Variants in NRF1 observed in about 807,000 individuals in gnomAD.
NRF1 encodes the protein nuclear respiratory factor 1.
Under a neutral mutation model 58.5 loss-of-function variants are expected in NRF1, and 5 were observed. The observed-to-expected ratio is 0.09, with a 90% CI of 0.04 to 0.18. The LOEUF is 0.18. Ranked by LOEUF, NRF1 falls within the 10% of genes least tolerant of loss-of-function variation. The pLI is 1.00. For missense variants in NRF1, 288 were observed against 657.7 expected (o/e 0.44, Z 6.15); for synonymous variants, 224 against 246.7 (o/e 0.91, Z 0.86).
intron 2 of NRF1, among the ~76,000 whole-genome samples, chr7:129,666,060 TGCA>T (rs1389336345): frequency 6.6e-6 from 1 of 152,250 alleles, no homozygotes; most frequent in African/African-American, 2.4e-5. Context: ...TGGTAAATTG[TGCA>T]GCAAGTAGAA....
chr7:129,677,542 A>G (rs1363387119), intron 3 of NRF1, 90 bp from the exon 4 acceptor site: 54 of 1,191,440 alleles, frequency 4.5e-5, no homozygotes, highest in Non-Finnish European at 4.7e-5. Flanking sequence ...ATATCTGATC[A>G]GAATAAACTG....
chr7:129,663,560 C>A (rs1584619617), intron 2 of NRF1, among the ~76,000 whole-genome samples: 2 of 150,464 alleles, frequency 1.3e-5, no homozygotes, highest in South Asian at 4.2e-4. Flanking sequence ...GCTCACATCC[C>A]AGACGATGGG....
chr7:129,662,236 C>CTT (rs891930853), intron 2 of NRF1, among the ~76,000 whole-genome samples: 77 of 152,048 alleles, frequency 5.1e-4, no homozygotes, highest in African/African-American at 1.6e-3. Flanking sequence ...TTTAAGGTGC[C>CTT]TTTTTTATGT....
At chr7:129,627,229 G>C (rs1165487147) in intron 1 of NRF1, among the ~76,000 whole-genome samples, 1 of 151,936 alleles carries the variant, frequency 6.6e-6, no homozygotes, top group Non-Finnish European at 1.5e-5. Context: ...TTAATTTTTT[G>C]AGACAGGATC....
chr7:129,666,572 C>T (rs1801928169), intron 2 of NRF1, among the ~76,000 whole-genome samples: 1 of 152,120 alleles, frequency 6.6e-6, no homozygotes, highest in Admixed American at 6.5e-5. Context: ...CACTCTGTTG[C>T]CCTGGCTGGA....
chr7:129,624,079 A>G (rs1262791691), intron 1 of NRF1, among the ~76,000 whole-genome samples: 3 of 152,158 alleles, frequency 2.0e-5, no homozygotes, highest in African/African-American at 7.2e-5. Flanking sequence ...TCCATCCGAG[A>G]ATACAGAACC....
chr7:129,691,418 G>A (rs1368733960), intron 5 of NRF1, among the ~76,000 whole-genome samples: 2 of 146,454 alleles, frequency 1.4e-5, no homozygotes, highest in African/African-American at 5.0e-5. Context: ...CTGGAGGGCA[G>A]TGGTGTGATC....
At chr7:129,686,464 T>C (rs1039659687) in intron 4 of NRF1, among the ~76,000 whole-genome samples, 4 of 152,238 alleles carry the variant, frequency 2.6e-5, no homozygotes, top group African/African-American at 9.6e-5. Flanking sequence ...ATACCAGCTT[T>C]AGAGCTACAT....
chr7:129,720,344 A>G (rs1390619590), intron 9 of NRF1, among the ~76,000 whole-genome samples: 2 of 152,280 alleles, frequency 1.3e-5, no homozygotes, highest in African/African-American at 4.8e-5. Flanking sequence ...GATGTAAGAA[A>G]CAAGCCCTTA....
intron 2 of NRF1, among the ~76,000 whole-genome samples, chr7:129,670,589 T>C (rs2151082900): frequency 6.6e-6 from 1 of 152,364 alleles, no homozygotes; most frequent in East Asian, 1.9e-4. Context: ...ATTTAATTTT[T>C]ATTTAAGCCT....
chr7:129,665,374 T>C lies in NRF1; in HGVS notation c.224-6055T>C, dbSNP rs912104762. Among the ~76,000 whole-genome samples, 29 of 152,190 alleles carry C rather than the reference T, an allele frequency of 1.9e-4. 1 individual carries two copies. The highest frequency in any genetic ancestry group is 7.2e-5 in the African/African-American group (3 of 41,454). On this transcript the variant is annotated intron_variant, in intron 2 of 10. Coordinates refer to ENST00000393232, the MANE Select transcript of NRF1 (RefSeq NM_005011.5). ...CAGCGTGGGGATTTTTCTGAGGAGC[T>C]GGTCTGTAGCATTCATCATATCTGA... is the stretch of plus-strand genomic sequence containing the variant.
intron 3 of NRF1, among the ~76,000 whole-genome samples, chr7:129,673,629 A>G (rs1040387478): frequency 2.7e-5 from 4 of 145,798 alleles, no homozygotes; most frequent in African/African-American, 2.5e-5. Flanking sequence ...AGGCAGGAGA[A>G]TGGCGTGAAC....
At position 129,652,760 on chromosome 7, in the gene NRF1, T is replaced by A. The variant is rs949233045; in HGVS notation, c.-6-4586T>A. 2.5e-4 allele frequency among the ~76,000 whole-genome samples: 38 copies of A among 152,140 alleles called. 1 individual carries two copies. Among genetic ancestry groups the A allele is most frequent in the South Asian group, 6.2e-4 (3 of 4,816 alleles). Reference sequence around the variant, plus strand: ...CGCCCGCCACCACTCCCGGCTAATTTTTTGTATTTTTTTAGTAGAGACAGG... The same window carrying A: ...CGCCCGCCACCACTCCCGGCTAATTATTTGTATTTTTTTAGTAGAGACAGG... On this transcript the variant is annotated intron_variant, in intron 1 of 10. Transcript: ENST00000393232.
At chr7:129,752,408 G>A (rs1414286959) in intron 10 of NRF1, among the ~76,000 whole-genome samples, 1 of 152,202 alleles carries the variant, frequency 6.6e-6, no homozygotes, top group African/African-American at 2.4e-5. Flanking sequence ...CTGTGAGAGA[G>A]TGAGGGAGAT....
chr7:129,670,121 T>C (rs942713401), intron 2 of NRF1, among the ~76,000 whole-genome samples: 3 of 152,164 alleles, frequency 2.0e-5, no homozygotes, highest in African/African-American at 7.2e-5. Context: ...TGATTCTACT[T>C]ATAGAAGGTA....
chr7:129,650,030 AGT>A (rs1196459580), intron 1 of NRF1, among the ~76,000 whole-genome samples: 2 of 152,128 alleles, frequency 1.3e-5, no homozygotes, highest in African/African-American at 4.8e-5. Flanking sequence ...TGGGATTACG[AGT>A]GTGAGCCACT....
chr7:129,653,406 A>G (rs1444338523), intron 1 of NRF1, among the ~76,000 whole-genome samples: 1 of 152,222 alleles, frequency 6.6e-6, no homozygotes, highest in Non-Finnish European at 1.5e-5. Context: ...ATCCTGCACC[A>G]GAGTGGTACA....
chr7:129,739,854 C>T (rs770808580), intron 10 of NRF1, among the ~76,000 whole-genome samples: 3 of 152,166 alleles, frequency 2.0e-5, no homozygotes, highest in Non-Finnish European at 2.9e-5. Flanking sequence ...TGAAGCCTGA[C>T]GGGTCACAAA....
chr7:129,657,328 T>C lies in NRF1; in HGVS notation c.-6-18T>C. The C allele has an allele frequency of 6.4e-7, 1 of 1,558,256 alleles. No homozygotes were observed. The highest frequency in any genetic ancestry group is 8.9e-7 in the Non-Finnish European group (1 of 1,129,444). On this transcript the variant is annotated intron_variant, in intron 1 of 10. Coordinates refer to ENST00000393232, the MANE Select transcript of NRF1 (RefSeq NM_005011.5). ...TACACACTGAATCCTGTTCTTTTTC[T>C]TTTTTGTCTGACAGTAGAACTTCAT...
Sources: gnomAD v4.1 joint callset for allele counts (sites outside exome capture counted in the v4.1 genomes callset) on GRCh38, gnomAD v4.1.1 for gene constraint, MANE v1.5 for transcripts, NCBI Gene and HGNC (gene_info 2026-07-23, HGNC 2026-07-21) for gene names.